Variants in WDFY1 observed in about 807,000 individuals in gnomAD.
WDFY1 encodes WD repeat and FYVE domain-containing protein 1.
In WDFY1, 32 loss-of-function variants were observed where a neutral mutation model predicts 56.4. The observed-to-expected ratio is 0.57, with a 90% CI of 0.43 to 0.76. The LOEUF (loss-of-function observed/expected upper bound fraction) is 0.76. WDFY1 is among the 30% of genes least tolerant of loss of function. The pLI is 0.00. For synonymous variants in WDFY1, 192 were observed against 197.3 expected (o/e 0.97, Z 0.23); for missense variants, 480 against 545.7 (o/e 0.88, Z 1.20).
chr2:223,929,452 T>C (rs1694040504), intron 1 of WDFY1, among the ~76,000 whole-genome samples: 1 of 152,100 alleles, frequency 6.6e-6, no homozygotes, highest in South Asian at 2.1e-4. Context: ...TCTCCCAAAG[T>C]GCTGGGATTA....
intron 1 of WDFY1, among the ~76,000 whole-genome samples, chr2:223,931,784 C>G (rs188582125): frequency 1.6e-3 from 243 of 151,296 alleles, no homozygotes; most frequent in Non-Finnish European, 2.7e-3. Context: ...CTCCCGGGTT[C>G]AAGCAATTCT....
At chr2:223,886,729 T>TTAAAAA (rs1553535494) in intron 8 of WDFY1, among the ~76,000 whole-genome samples, 1 of 95,630 alleles carries the variant, frequency 1.0e-5, no homozygotes, top group African/African-American at 4.0e-5. Context: ...AAACTCCGTC[T>TTAAAAA]AAAAAAAAAA....
chr2:223,895,331 A>G (rs1453454196), intron 7 of WDFY1, among the ~76,000 whole-genome samples, 173 bp downstream of exon 7: 1 of 152,174 alleles, frequency 6.6e-6, no homozygotes, highest in Non-Finnish European at 1.5e-5. Flanking sequence ...TTGCTACTAA[A>G]CATCAGACAC....
At chr2:223,911,375 A>C (rs1693697352) in intron 3 of WDFY1, among the ~76,000 whole-genome samples, 1 of 152,184 alleles carries the variant, frequency 6.6e-6, no homozygotes, top group Non-Finnish European at 1.5e-5. Flanking sequence ...ACAATTATAT[A>C]CTTTAAAATG....
At chr2:223,887,857 T>C (rs1693198880) in intron 8 of WDFY1, among the ~76,000 whole-genome samples, 1 of 152,208 alleles carries the variant, frequency 6.6e-6, no homozygotes, top group Non-Finnish European at 1.5e-5. Context: ...TTGGCCTGGT[T>C]TGATCCACAA....
At chr2:223,918,188 CAT>C (rs1214805127) in intron 1 of WDFY1, among the ~76,000 whole-genome samples, 178 bp from the exon 2 acceptor site, 4 of 151,678 alleles carry the variant, frequency 2.6e-5, no homozygotes, top group South Asian at 2.1e-4. Context: ...TAGTATATAA[CAT>C]ATATATTATA....
Position 223,878,641 on chromosome 2 carries a change from C to A in WDFY1, c.*30G>T, listed in dbSNP as rs776402054. 6.4e-7 allele frequency: 1 copy of A among 1,573,816 alleles called. No individual in the cohort carries two copies. Among genetic ancestry groups the A allele is most frequent in the Non-Finnish European group, 8.7e-7 (1 of 1,143,728 alleles). ...GACTTCATTTGGTGGAGCTGCTGTTCTTAGGTGTGGACGCCGCCCAGCTCT... is the reference window on the plus strand; with the variant it reads ...GACTTCATTTGGTGGAGCTGCTGTTATTAGGTGTGGACGCCGCCCAGCTCT... On this transcript the variant is annotated 3_prime_UTR_variant, in exon 12 of 12. Transcript: ENST00000233055.
intron 1 of WDFY1, among the ~76,000 whole-genome samples, chr2:223,919,209 CTCAT>C (rs777117071): frequency 2.5e-4 from 38 of 152,222 alleles, no homozygotes; most frequent in Admixed American, 7.2e-4. Flanking sequence ...TTTTATGTTT[CTCAT>C]TCATTATTTA....
At chr2:223,883,596 G>A (rs1013595255) in intron 9 of WDFY1, among the ~76,000 whole-genome samples, 1 of 137,866 alleles carries the variant, frequency 7.3e-6, no homozygotes, top group African/African-American at 2.7e-5. Flanking sequence ...AGTCTCATAT[G>A]AGACCTTACT....
chr2:223,880,195 T>C lies in WDFY1; in HGVS notation c.1102A>G (p.Asn368Asp), dbSNP rs779985635. ...SLATFHEGKH[N>D]ISHMSMDIAR... ...ATGTCCATGGACATGTGGGAAATGT[T>C]ATGTTTTCCTTCATGAAAGGTCGCT... Residue 368 changes from asparagine (N) to aspartate (D), a missense_variant, in exon 11 of 12, where the codon AAC (asparagine) becomes GAC (aspartate). Coordinates refer to ENST00000233055, the MANE Select transcript of WDFY1 (RefSeq NM_020830.5). 3.1e-6 allele frequency: 5 copies of C among 1,613,998 alleles called. No homozygotes were observed. The East Asian group carries it at 1.1e-4, about 36-fold the overall frequency.
At chr2:223,897,379 TATA>T (rs1174837313) in intron 6 of WDFY1, among the ~76,000 whole-genome samples, 948 of 42,408 alleles carry the variant, frequency 0.022, 51 homozygotes, top group African/African-American at 0.078. Context: ...TATATATATA[TATA>T]TATATATATT....
chr2:223,907,608 C>A (rs372332385), intron 3 of WDFY1, among the ~76,000 whole-genome samples: 2 of 152,200 alleles, frequency 1.3e-5, no homozygotes, highest in Non-Finnish European at 1.5e-5. Flanking sequence ...AATGCACCAA[C>A]ACTGCACCAC....
At chr2:223,911,569 CA>C (rs1693701503) in intron 3 of WDFY1, among the ~76,000 whole-genome samples, 3 of 18,364 alleles carry the variant, frequency 1.6e-4, no homozygotes, top group African/African-American at 1.1e-3. Flanking sequence ...TGAATGACCA[CA>C]CACACACACA....
intron 3 of WDFY1, among the ~76,000 whole-genome samples, chr2:223,907,078 G>A (rs1693609186): frequency 6.6e-6 from 1 of 151,928 alleles, no homozygotes; most frequent in Non-Finnish European, 1.5e-5. Context: ...GGGTTCAAGC[G>A]ATTCTTGTGC....
intron 11 of WDFY1, among the ~76,000 whole-genome samples, chr2:223,879,803 C>T (rs1432376877): frequency 4.6e-5 from 7 of 152,120 alleles, no homozygotes; most frequent in South Asian, 2.1e-4. Context: ...CATTGGCAAG[C>T]GTAGGAATGT....
Position 223,917,949 on chromosome 2 carries a change from T to C in WDFY1, c.199A>G (p.Met67Val), listed in dbSNP as rs754673775. The C allele has an allele frequency of 6.8e-6, 11 of 1,614,134 alleles. No individual in the cohort carries two copies. The South Asian group carries it at 9.9e-5, about 15-fold the overall frequency. Residue 67 changes from methionine to valine, a missense_variant, in exon 2 of 12, where the codon ATG becomes GTG. Coordinates refer to ENST00000233055, the MANE Select transcript of WDFY1 (RefSeq NM_020830.5). ...GQYWPSIYHTMASPCSAMAYH... is the reference protein window; with the variant it reads ...GQYWPSIYHTVASPCSAMAYH... Reference sequence around the variant, plus strand: ...GAACAGTTCAGCTACTTACAGGCCATTGTGTGGTAAATGCTGGGCCAGTAT... The same window carrying C: ...GAACAGTTCAGCTACTTACAGGCCACTGTGTGGTAAATGCTGGGCCAGTAT...
intron 2 of WDFY1, among the ~76,000 whole-genome samples, chr2:223,912,966 G>A (rs960771979): frequency 1.3e-5 from 2 of 152,128 alleles, no homozygotes; most frequent in African/African-American, 4.8e-5. Context: ...GAAAAAAAAT[G>A]TGGGTTTGTT....
chr2:223,889,668 C>T (rs1693234601), intron 8 of WDFY1, among the ~76,000 whole-genome samples: 2 of 152,184 alleles, frequency 1.3e-5, no homozygotes, highest in Admixed American at 1.3e-4. Context: ...CATTAAACCT[C>T]TTTCCTTTAT....
intron 1 of WDFY1, among the ~76,000 whole-genome samples, chr2:223,919,529 A>G (rs1397036354): frequency 1.3e-5 from 2 of 152,044 alleles, no homozygotes; most frequent in Admixed American, 6.6e-5. Context: ...TTATTTTTTA[A>G]GATGCAGTCT....
Sources: gnomAD v4.1 joint callset for allele counts (sites outside exome capture counted in the v4.1 genomes callset) on GRCh38, gnomAD v4.1.1 for gene constraint, MANE v1.5 for transcripts, NCBI Gene and HGNC (gene_info 2026-07-23, HGNC 2026-07-21) for gene names.